HEATR5B: variants seen among roughly 807,000 people sequenced by gnomAD.
The protein encoded by HEATR5B is HEAT repeat-containing protein 5B.
A neutral mutation model predicts 224.1 loss-of-function variants in HEATR5B; 156 were observed. That is an observed-to-expected ratio of 0.70 (90% CI 0.61 to 0.80). The LOEUF (loss-of-function observed/expected upper bound fraction) is 0.80, where lower values mean the gene tolerates loss of function less well. Among genes scored for constraint, HEATR5B ranks in the 30% least tolerant of loss-of-function variants. The pLI is 0.00. For synonymous variants in HEATR5B, 1,027 were observed against 893.0 expected, an observed-to-expected ratio of 1.15 and a Z score of -2.68; for missense variants, 2,323 against 2,535.5, an observed-to-expected ratio of 0.92 and a Z score of 1.80.
At chr2:37,017,569 C>G (rs1377933346) in intron 26 of HEATR5B, among the ~76,000 whole-genome samples, 1 of 150,950 alleles carries the variant, frequency 6.6e-6, no homozygotes, top group East Asian at 2.0e-4. Flanking sequence ...ACCTGTAATC[C>G]CAGCTACTCA....
chr2:37,064,762 C>G lies in HEATR5B; in HGVS notation c.1562G>C (p.Gly521Ala). 1 of 1,613,980 alleles carries G rather than the reference C, an allele frequency of 6.2e-7. No homozygotes were observed. The highest frequency in any genetic ancestry group is 8.5e-7 in the Non-Finnish European group (1 of 1,179,962). Residue 521 changes from glycine (G) to alanine (A), a missense_variant, in exon 10 of 36, where the codon GGC becomes GCC. Physicochemically the swap from Gly to Ala is moderately conservative, Grantham distance 60 (BLOSUM62 0). Around this residue, in one of 12 missense-constraint regions of HEATR5B, gnomAD observed 502 missense variants for 517.8 expected, o/e 0.97. Coordinates refer to ENST00000233099, the MANE Select transcript of HEATR5B (RefSeq NM_019024.3). Reference protein sequence around the residue: ...LLGGVHQCPLGIPHAKGKMVV... With the variant: ...LLGGVHQCPLAIPHAKGKMVV... ...TACCTTTCCTTTGGCATGAGGAATG[C>G]CCAAAGGACACTGATGTACTCCACC...
At chr2:37,062,105 GA>G in intron 10 of HEATR5B, 55 bp from the exon 11 acceptor site, 1 of 1,072,090 alleles carries the variant, frequency 9.3e-7, no homozygotes, top group Non-Finnish European at 1.4e-6. Flanking sequence ...ATTAAATAAG[GA>G]AACAGATAAC....
rs750651297 is a variant in HEATR5B at position 36,981,440 on chromosome 2, C to T, written c.*50G>A. 9 of 1,433,564 alleles carry T rather than the reference C, an allele frequency of 6.3e-6. No homozygotes were observed. In the Admixed American group the frequency reaches 8.1e-5, roughly 13 times the overall value. 88.8% of individuals were successfully genotyped at this position (1,433,564 alleles called of 1,614,324 possible). A position where few individuals can be genotyped will look rare whatever the true frequency, so the allele number is the denominator to read the frequency against. ...GCCTGGAATGATACAGTGGCCATCA[C>T]TAATTAGGGGCTAGTTGACAACATA... On this transcript the variant is annotated 3_prime_UTR_variant, in exon 36 of 36. Transcript: ENST00000233099.
intron 28 of HEATR5B, chr2:37,008,334 A>T (rs1420186373): frequency 2.1e-6 from 1 of 475,818 alleles, no homozygotes; most frequent in African/African-American, 1.9e-5. Flanking sequence ...ATGCATAATG[A>T]CTTGTTACCC....
chr2:37,056,887 A>C (rs79747454), intron 15 of HEATR5B, among the ~76,000 whole-genome samples: 1 of 152,236 alleles, frequency 6.6e-6, no homozygotes, highest in Non-Finnish European at 1.5e-5. Flanking sequence ...ACAAGATCTT[A>C]ATCCCACAAT....
At chr2:36,986,941 T>A (rs1452951171) in intron 35 of HEATR5B, among the ~76,000 whole-genome samples, 1 of 151,922 alleles carries the variant, frequency 6.6e-6, no homozygotes. Flanking sequence ...TTAGTAGAGA[T>A]GGGGTTCCAC....
chr2:37,066,489 A>T (rs1671595939), intron 8 of HEATR5B, among the ~76,000 whole-genome samples: 1 of 152,242 alleles, frequency 6.6e-6, no homozygotes, highest in South Asian at 2.1e-4. Context: ...ACTGACCAGA[A>T]AATGAATCTA....
intron 35 of HEATR5B, among the ~76,000 whole-genome samples, chr2:36,985,740 C>T (rs1665911771): frequency 6.7e-6 from 1 of 149,758 alleles, no homozygotes; most frequent in Admixed American, 6.7e-5. Context: ...GTTGGCATTA[C>T]AGGCGTGAGC....
At position 37,068,443 on chromosome 2, in the gene HEATR5B, G is replaced by A. The variant is rs150376665; in HGVS notation, c.1177+238C>T. Among the ~76,000 whole-genome samples, 767 of 152,208 alleles carry A rather than the reference G, an allele frequency of 5.0e-3. 6 individuals are homozygous for A. Among genetic ancestry groups the A allele is most frequent in the South Asian group, 7.7e-3 (37 of 4,828 alleles). ...GCATGCCAGAAAAGTTATAAAATCC[G>A]TATAGGTACTAGAAATAAAACAGAA... On this transcript the variant is annotated intron_variant, in intron 8 of 35. Transcript: ENST00000233099.
intron 17 of HEATR5B, among the ~76,000 whole-genome samples, chr2:37,052,851 A>G (rs1298521212): frequency 6.6e-6 from 1 of 152,238 alleles, no homozygotes; most frequent in Admixed American, 6.5e-5. Context: ...ATGGAACAGG[A>G]CAGTACAAGA....
rs757079123 is a variant in HEATR5B, at chr2:37,008,772, T to C, written c.4361A>G (p.Asp1454Gly). 6.2e-7 allele frequency: 1 copy of C among 1,614,178 alleles called. No individual in the cohort carries two copies. The highest frequency in any genetic ancestry group is 1.1e-5 in the South Asian group (1 of 91,084). ...PKRAIKNTDD[D>G]DDDCGTIDEL... ...ATCGATGGTACCACAGTCGTCATCA[T>C]CATCGTCAGTATTTTTAATTGCTCT... Residue 1454 changes from aspartate to glycine, a missense_variant, in exon 28 of 36, where the codon GAT (aspartate) becomes GGT (glycine). Around this residue, in one of 12 missense-constraint regions of HEATR5B, gnomAD observed 844 missense variants for 812.9 expected, o/e 1.04. Transcript: ENST00000233099.
intron 33 of HEATR5B, among the ~76,000 whole-genome samples, chr2:36,992,757 C>T (rs1484224642): frequency 6.6e-6 from 1 of 150,570 alleles, no homozygotes. Flanking sequence ...TTCTTTTTTC[C>T]CCCCAAGGAA....
chr2:37,053,696 T>G, intron 16 of HEATR5B, 89 bp from the exon 17 acceptor site: 2 of 656,746 alleles, frequency 3.0e-6, no homozygotes, highest in Non-Finnish European at 5.1e-6. Flanking sequence ...AAGTTAATTG[T>G]TTAGCAAATA....
chr2:37,037,840 T>G lies in HEATR5B; in HGVS notation c.3216+15A>C. The G allele has an allele frequency of 6.9e-7, 1 of 1,452,846 alleles. No homozygotes were observed. The highest frequency in any genetic ancestry group is 2.5e-5 in the Admixed American group (1 of 40,586). 90.0% of individuals were successfully genotyped at this position (1,452,846 alleles called of 1,614,324 possible). A position where few individuals can be genotyped will look rare whatever the true frequency, so the allele number is the denominator to read the frequency against. On this transcript the variant is annotated intron_variant, in intron 21 of 35. Transcript: ENST00000233099. The stretch of plus-strand genomic sequence containing the variant: ...ACAACTTAAAAATCAATGAATGAAA[T>G]AGCTCTATACTTACACAAAGGCTAG...
chr2:37,062,057 G>A lies in HEATR5B; in HGVS notation c.1585-7C>T. On this transcript the variant is annotated splice_region_variant and splice_polypyrimidine_tract_variant and intron_variant, in intron 10 of 35. Coordinates refer to ENST00000233099, the MANE Select transcript of HEATR5B (RefSeq NM_019024.3). ...CAGCAATACTAACTACCATCTGCAA[G>A]AAAAGTTTAGAATTGGATTTTAATT... is the stretch of plus-strand genomic sequence containing the variant. The A allele has an allele frequency of 6.7e-7, 1 of 1,490,998 alleles. No homozygotes were observed. Among genetic ancestry groups the A allele is most frequent in the South Asian group, 1.1e-5 (1 of 88,254 alleles). The allele number at this position is 1,490,998 out of a possible 1,614,324, so 92.4% of individuals were successfully genotyped here.
At chr2:37,014,398 G>A (rs912881112) in intron 26 of HEATR5B, among the ~76,000 whole-genome samples, 8 of 150,904 alleles carry the variant, frequency 5.3e-5, no homozygotes, top group Non-Finnish European at 8.9e-5. Flanking sequence ...TCCTGACCTC[G>A]TGATCTGCCT....
At chr2:36,989,635 G>T (rs1482302917) in intron 34 of HEATR5B, among the ~76,000 whole-genome samples, 1 of 151,990 alleles carries the variant, frequency 6.6e-6, no homozygotes, top group Non-Finnish European at 1.5e-5. Flanking sequence ...AAGTCTTACT[G>T]GCTCCACTTT....
intron 13 of HEATR5B, 38 bp downstream of exon 13, chr2:37,058,850 T>C: frequency 8.3e-7 from 1 of 1,203,270 alleles, no homozygotes; most frequent in African/African-American, 1.5e-5. Flanking sequence ...TATTAATATA[T>C]AAAATAGGAT....
intron 3 of HEATR5B, among the ~76,000 whole-genome samples, chr2:37,077,906 A>G (rs1431373186): frequency 6.6e-6 from 1 of 152,246 alleles, no homozygotes; most frequent in Non-Finnish European, 1.5e-5. Context: ...ACATTAACAG[A>G]ACACTTGGAA....
Sources: allele counts gnomAD v4.1 joint callset (sites outside exome capture counted in the v4.1 genomes callset), GRCh38; gene constraint gnomAD v4.1.1; regional missense constraint gnomAD v4.1.1; transcripts MANE v1.5; gene names NCBI Gene and HGNC (gene_info 2026-07-23, HGNC 2026-07-21).